Variants in SORCS3 observed in about 807,000 individuals in gnomAD.
SORCS3 encodes VPS10 domain-containing receptor SorCS3.
SORCS3 carries 57 observed loss-of-function variants against 146.3 expected under a neutral mutation model. The observed-to-expected ratio is 0.39, with a 90% confidence interval of 0.31 to 0.49. The LOEUF (loss-of-function observed/expected upper bound fraction) is 0.49, where lower values mean the gene tolerates loss of function less well. Among genes scored for constraint, SORCS3 ranks in the 20% least tolerant of loss-of-function variants. SORCS3 has a pLI of 0.92. For synonymous variants in SORCS3, 653 were observed against 618.5 expected, an observed-to-expected ratio of 1.06 and a Z score of -0.83; for missense variants, 1,341 against 1,575.5, an observed-to-expected ratio of 0.85 and a Z score of 2.52.
At chr10:105,079,201 T>G (rs1421507726) in intron 5 of SORCS3, among the ~76,000 whole-genome samples, 3 of 152,206 alleles carry the variant, frequency 2.0e-5, no homozygotes, top group Non-Finnish European at 2.9e-5. Context: ...AAGATTCTGA[T>G]GCTAGCTGCT....
chr10:104,872,073 A>C (rs2018524492), intron 2 of SORCS3, among the ~76,000 whole-genome samples: 1 of 152,176 alleles, frequency 6.6e-6, no homozygotes, highest in African/African-American at 2.4e-5. Context: ...AAGTACACAA[A>C]GTATACATAC....
chr10:104,818,389 C>T (rs958506891), intron 1 of SORCS3, among the ~76,000 whole-genome samples: 1 of 149,080 alleles, frequency 6.7e-6, no homozygotes, highest in Non-Finnish European at 1.5e-5. Context: ...TCCTTCCTTC[C>T]TTCCTTCCTT....
At chr10:104,678,477 T>G (rs1013671643) in intron 1 of SORCS3, among the ~76,000 whole-genome samples, 2 of 152,178 alleles carry the variant, frequency 1.3e-5, no homozygotes, top group Admixed American at 6.5e-5. Flanking sequence ...AGAGTTTCTT[T>G]CATTTAGGAT....
intron 13 of SORCS3, among the ~76,000 whole-genome samples, chr10:105,169,951 A>G (rs1036207806): frequency 1.1e-4 from 17 of 152,174 alleles, no homozygotes; most frequent in African/African-American, 4.1e-4. Flanking sequence ...GAGGCTAGCA[A>G]CCGACCCTTA....
chr10:104,704,170 T>TA (rs1554845169), intron 1 of SORCS3, among the ~76,000 whole-genome samples: 1 of 542 alleles, frequency 1.8e-3, no homozygotes, highest in Admixed American at 0.1. Context: ...CTTCTATGAC[T>TA]TTTTTTTTTT....
intron 1 of SORCS3, among the ~76,000 whole-genome samples, chr10:104,719,932 A>G (rs750811621): frequency 8.6e-5 from 13 of 151,930 alleles, no homozygotes; most frequent in African/African-American, 1.5e-4. Flanking sequence ...GTGTAAGTCC[A>G]TGTTAGAAAG....
At chr10:105,178,550 C>T (rs903542931) in intron 14 of SORCS3, among the ~76,000 whole-genome samples, 1 of 152,054 alleles carries the variant, frequency 6.6e-6, no homozygotes, top group Non-Finnish European at 1.5e-5. Context: ...AAACAGTCAA[C>T]TTATTGAAAT....
At chr10:105,197,349 T>C (rs762468407) in intron 14 of SORCS3, among the ~76,000 whole-genome samples, 92 of 152,332 alleles carry the variant, frequency 6.0e-4, no homozygotes, top group Non-Finnish European at 1.2e-3. Flanking sequence ...TATTTATAGA[T>C]GAGTACTTAT....
intron 3 of SORCS3, among the ~76,000 whole-genome samples, chr10:104,959,165 A>G (rs1006932775): frequency 1.3e-5 from 2 of 152,192 alleles, no homozygotes; most frequent in Non-Finnish European, 2.9e-5. Flanking sequence ...TATTGTTTAA[A>G]TCACCAAGTC....
intron 2 of SORCS3, among the ~76,000 whole-genome samples, chr10:104,861,086 T>C (rs922750199): frequency 6.6e-6 from 1 of 152,116 alleles, no homozygotes; most frequent in African/African-American, 2.4e-5. Context: ...AAGGGTCCAG[T>C]CTCCTTCCTT....
intron 1 of SORCS3, among the ~76,000 whole-genome samples, chr10:104,745,605 C>T (rs547836141): frequency 2.0e-5 from 3 of 152,162 alleles, no homozygotes; most frequent in Non-Finnish European, 4.4e-5. Flanking sequence ...CAAGATCTGC[C>T]CTCTTAGCAG....
rs2056965041 is a variant in SORCS3 at position 105,262,249 on chromosome 10, C to T, written c.3444-82C>T. On this transcript the variant is annotated intron_variant, in intron 25 of 26. Coordinates refer to ENST00000369701, the MANE Select transcript of SORCS3 (RefSeq NM_014978.3). ...CCCTTCCTATTAATAGCTTCTTCCT[C>T]CCCTTATCCCCCAGGATTTCCAGCT... 9 of 1,291,784 alleles carry T rather than the reference C, an allele frequency of 7.0e-6. No individual in the cohort carries two copies. The South Asian group carries it at 8.9e-5, about 13-fold the overall frequency. The allele number at this position is 1,291,784 out of a possible 1,614,324, so 80.0% of individuals were successfully genotyped here.
chr10:104,846,837 C>G (rs2018211885), intron 2 of SORCS3, among the ~76,000 whole-genome samples: 1 of 152,076 alleles, frequency 6.6e-6, no homozygotes, highest in Non-Finnish European at 1.5e-5. Context: ...AGGTTGGGGA[C>G]TGACTTGTTT....
chr10:105,182,911 C>T (rs1439968334), intron 14 of SORCS3, among the ~76,000 whole-genome samples: 9 of 152,066 alleles, frequency 5.9e-5, no homozygotes, highest in Non-Finnish European at 1.3e-4. Flanking sequence ...CCATGTTGCC[C>T]AAGCTGTTCT....
chr10:104,762,839 T>C lies in SORCS3; in HGVS notation c.628-79953T>C, dbSNP rs149393783. Among the ~76,000 whole-genome samples, 391 of 152,278 alleles carry C rather than the reference T, an allele frequency of 2.6e-3. 1 individual carries two copies. Among genetic ancestry groups the C allele is most frequent in the Admixed American group, 6.9e-3 (106 of 15,298 alleles). Reference sequence around the variant, plus strand: ...GCCATGCGGAACTGAGTCAATGAAATCTACTTTCTTTATAAATTGCCCAGT... The same window carrying C: ...GCCATGCGGAACTGAGTCAATGAAACCTACTTTCTTTATAAATTGCCCAGT... On this transcript the variant is annotated intron_variant, in intron 1 of 26. Coordinates refer to ENST00000369701, the MANE Select transcript of SORCS3 (RefSeq NM_014978.3).
chr10:104,741,015 G>T (rs1301072662), intron 1 of SORCS3, among the ~76,000 whole-genome samples: 2 of 151,886 alleles, frequency 1.3e-5, no homozygotes, highest in Non-Finnish European at 2.9e-5. Context: ...AGGCTAGAAT[G>T]CAATGGTCCT....
chr10:104,913,386 G>A (rs144089280), intron 2 of SORCS3, among the ~76,000 whole-genome samples: 63 of 152,302 alleles, frequency 4.1e-4, no homozygotes, highest in East Asian at 2.1e-3. Flanking sequence ...AGTGATCTGC[G>A]TTGTAGAAAG....
intron 6 of SORCS3, among the ~76,000 whole-genome samples, chr10:105,104,728 T>C (rs2055809343): frequency 6.6e-6 from 1 of 152,224 alleles, no homozygotes; most frequent in Non-Finnish European, 1.5e-5. Flanking sequence ...CCTTTAAACA[T>C]TGTTCTGTGC....
At chr10:104,860,028 A>G (rs1187811207) in intron 2 of SORCS3, among the ~76,000 whole-genome samples, 2 of 101,804 alleles carry the variant, frequency 2.0e-5, no homozygotes, top group Non-Finnish European at 4.2e-5. Flanking sequence ...TCAGGGATCT[A>G]GAACTAGAAA....
Sources: allele counts gnomAD v4.1 joint callset (sites outside exome capture counted in the v4.1 genomes callset), GRCh38; gene constraint gnomAD v4.1.1; transcripts MANE v1.5; gene names NCBI Gene and HGNC (gene_info 2026-07-23, HGNC 2026-07-21).